SCGN: variants seen among roughly 807,000 people sequenced by gnomAD.
SCGN encodes the protein secretagogin, EF-hand calcium binding protein, also known as secretagogin.
A neutral mutation model predicts 39.7 loss-of-function variants in SCGN; 30 were observed. The observed-to-expected ratio is 0.76, with a 90% CI of 0.57 to 1.03. The LOEUF (loss-of-function observed/expected upper bound fraction) is 1.03. SCGN is among the 50% of genes least tolerant of loss of function. The pLI is 0.00. For synonymous variants in SCGN, 106 were observed against 114.1 expected (o/e 0.93, Z 0.45); for missense variants, 353 against 349.4 (o/e 1.01, Z -0.08).
intron 10 of SCGN, among the ~76,000 whole-genome samples, chr6:25,698,658 T>C (rs1334378558): frequency 2.0e-5 from 3 of 152,212 alleles, no homozygotes; most frequent in African/African-American, 7.2e-5. Context: ...GCCACATCTA[T>C]ACTTGCCTGG....
At chr6:25,666,975 C>T (rs1328008460) in intron 4 of SCGN, among the ~76,000 whole-genome samples, 1 of 152,036 alleles carries the variant, frequency 6.6e-6, no homozygotes, top group Non-Finnish European at 1.5e-5. Flanking sequence ...AACAAATAGA[C>T]TGCCCAAGTG....
chr6:25,685,381 C>T (rs1454241088), intron 7 of SCGN, among the ~76,000 whole-genome samples: 1 of 152,144 alleles, frequency 6.6e-6, no homozygotes, highest in Non-Finnish European at 1.5e-5. Context: ...CATAAAAGCA[C>T]CTCCCAAGTA....
intron 6 of SCGN, among the ~76,000 whole-genome samples, chr6:25,681,488 T>C (rs1449885716): frequency 6.6e-6 from 1 of 152,238 alleles, no homozygotes; most frequent in African/African-American, 2.4e-5. Context: ...AAATAATTAG[T>C]TTTCCTCTTA....
Position 25,661,614 on chromosome 6 carries a change from C to G in SCGN, c.216C>G (p.Ala72=), listed in dbSNP as rs142894437. Residue 72 remains alanine, a synonymous_variant, in exon 3 of 11, where the codon GCC becomes GCG. Coordinates refer to ENST00000377961, the MANE Select transcript of SCGN (RefSeq NM_006998.4). ...AGCAGTTTATGACTACCCAAGATGC[C>G]TCTAAAGATGGTCGCATTCGGATGA... ...VKQQFMTTQD[A]SKDGRIRMKE... 47 of 1,613,436 alleles carry G rather than the reference C, an allele frequency of 2.9e-5. No individual in the cohort carries two copies. The African/African-American group carries it at 5.3e-4, about 18-fold the overall frequency.
intron 2 of SCGN, among the ~76,000 whole-genome samples, chr6:25,658,777 T>A (rs1760281112): frequency 6.8e-6 from 1 of 147,934 alleles, no homozygotes; most frequent in African/African-American, 2.5e-5. Context: ...TTTCATCTAT[T>A]TATCATCATT....
chr6:25,694,529 C>T (rs1219540174), intron 10 of SCGN, among the ~76,000 whole-genome samples: 2 of 152,212 alleles, frequency 1.3e-5, no homozygotes, highest in Non-Finnish European at 2.9e-5. Flanking sequence ...CACAAAGGCA[C>T]CTCTCAGTGT....
chr6:25,658,606 A>G (rs1206831965), intron 2 of SCGN, among the ~76,000 whole-genome samples: 1 of 152,214 alleles, frequency 6.6e-6, no homozygotes, highest in Non-Finnish European at 1.5e-5. Flanking sequence ...CTATACATAT[A>G]GATGCTATTT....
At chr6:25,655,389 C>T (rs1178405298) in intron 2 of SCGN, among the ~76,000 whole-genome samples, 4 of 152,132 alleles carry the variant, frequency 2.6e-5, no homozygotes, top group African/African-American at 9.7e-5. Context: ...TTTTGGCTAA[C>T]CTTAGAAGCA....
intron 5 of SCGN, 66 bp downstream of exon 5, chr6:25,669,633 G>T: frequency 7.4e-7 from 1 of 1,359,794 alleles, no homozygotes; most frequent in South Asian, 1.2e-5. Context: ...TGTATCATGA[G>T]TTTGATTTCT....
At chr6:25,673,347 T>A (rs1263296502) in intron 6 of SCGN, among the ~76,000 whole-genome samples, 2 of 152,132 alleles carry the variant, frequency 1.3e-5, no homozygotes, top group Non-Finnish European at 2.9e-5. Context: ...TCAGAAAGGG[T>A]GCAGTATGTG....
chr6:25,673,582 C>T (rs1050696714), intron 6 of SCGN, among the ~76,000 whole-genome samples: 4 of 152,162 alleles, frequency 2.6e-5, no homozygotes, highest in African/African-American at 9.7e-5. Flanking sequence ...AGTGATCTCA[C>T]CCAATGTTTA....
intron 3 of SCGN, among the ~76,000 whole-genome samples, chr6:25,662,281 T>G (rs1436795291): frequency 6.6e-6 from 1 of 152,216 alleles, no homozygotes; most frequent in African/African-American, 2.4e-5. Flanking sequence ...TGTATTCCCA[T>G]AGTAGTTAAG....
At position 25,662,646 on chromosome 6, in the gene SCGN, TA is replaced by T. The variant is rs1264031694; in HGVS notation, c.246+1007del. ...AATAGGGCAGGATAATGTCCCTTTATAAAAAGTGGGCGTGTTCACCAGGAGA... is the reference window on the plus strand; with the variant it reads ...AATAGGGCAGGATAATGTCCCTTTATAAAAGTGGGCGTGTTCACCAGGAGA... On this transcript the variant is annotated intron_variant, in intron 3 of 10. Coordinates refer to ENST00000377961, the MANE Select transcript of SCGN (RefSeq NM_006998.4). 2.0e-5 allele frequency among the ~76,000 whole-genome samples: 3 copies of T among 152,202 alleles called. No individual in the cohort carries two copies. In the East Asian group the frequency reaches 5.8e-4, roughly 29 times the overall value.
At chr6:25,671,361 C>T (rs903005324) in intron 6 of SCGN, among the ~76,000 whole-genome samples, 1 of 150,934 alleles carries the variant, frequency 6.6e-6, no homozygotes, top group Admixed American at 6.6e-5. Flanking sequence ...AAGCTAAGCT[C>T]CCCTGGTTTT....
At chr6:25,692,530 C>T (rs1376079440) in intron 10 of SCGN, among the ~76,000 whole-genome samples, 1 of 152,194 alleles carries the variant, frequency 6.6e-6, no homozygotes, top group Non-Finnish European at 1.5e-5. Context: ...AGTGTGGATG[C>T]AGAGTCACAG....
intron 2 of SCGN, among the ~76,000 whole-genome samples, chr6:25,656,771 C>G (rs755590083): frequency 6.6e-6 from 1 of 152,134 alleles, no homozygotes; most frequent in Non-Finnish European, 1.5e-5. Flanking sequence ...AAGACAGAAG[C>G]CAAGATTCTG....
intron 1 of SCGN, among the ~76,000 whole-genome samples, chr6:25,652,836 C>T (rs1760158172): frequency 2.0e-5 from 3 of 152,046 alleles, no homozygotes; most frequent in Admixed American, 6.5e-5. Context: ...TTGAAGTCAT[C>T]CTTCCCTAAA....
In SCGN at chr6:25,658,002, CCTTTTTTTTTTTTTTTTTT is replaced by C. The variant is rs1760258150; in HGVS notation, c.154-3549_154-3531del. On this transcript the variant is annotated intron_variant, in intron 2 of 10. Transcript: ENST00000377961. ...GGTGTGTGTTCATTTAGAAAGGTAT[CCTTTTTTTTTTTTTTTTTT>C]TTTTTTTTTTTTTTTTTTTTTTTTT... is the stretch of plus-strand genomic sequence containing the variant. 8.4e-5 allele frequency among the ~76,000 whole-genome samples: 4 copies of C among 47,646 alleles called. 1 individual carries two copies. Among genetic ancestry groups the C allele is most frequent in the African/African-American group, 3.0e-4 (4 of 13,220 alleles). 31.3% of individuals were successfully genotyped at this position (47,646 alleles called of 152,430 possible).
chr6:25,668,088 A>G (rs1324181220), intron 4 of SCGN, among the ~76,000 whole-genome samples: 2 of 152,214 alleles, frequency 1.3e-5, no homozygotes, highest in Non-Finnish European at 2.9e-5. Flanking sequence ...CAGCATCAGT[A>G]TCAACACCTC....
Sources: allele counts gnomAD v4.1 joint callset (sites outside exome capture counted in the v4.1 genomes callset), GRCh38; gene constraint gnomAD v4.1.1; transcripts MANE v1.5; gene names NCBI Gene and HGNC (gene_info 2026-07-23, HGNC 2026-07-21).